Variants in TANC1 observed in about 807,000 individuals in gnomAD.
The protein encoded by TANC1 is tetratricopeptide repeat, ankyrin repeat and coiled-coil containing 1.
TANC1 carries 77 observed loss-of-function variants against 149.7 expected under a neutral mutation model. The ratio of observed to expected loss-of-function variants is 0.51; its 90% CI spans 0.43 to 0.62. The LOEUF is 0.62. Among genes scored for constraint, TANC1 ranks in the 20% least tolerant of loss-of-function variants. TANC1 has a pLI of 0.00. For synonymous variants in TANC1, 854 were observed against 925.0 expected (o/e 0.92, Z 1.39); for missense variants, 1,985 against 2,321.8 (o/e 0.85, Z 2.98).
chr2:159,038,787 A>G (rs747764728), intron 2 of TANC1, among the ~76,000 whole-genome samples: 4 of 152,174 alleles, frequency 2.6e-5, no homozygotes, highest in African/African-American at 9.7e-5. Flanking sequence ...ATCGATGTTC[A>G]TCAGGGATAT....
intron 22 of TANC1, among the ~76,000 whole-genome samples, chr2:159,221,849 T>C (rs2059728997): frequency 6.6e-6 from 1 of 152,206 alleles, no homozygotes; most frequent in East Asian, 1.9e-4. Flanking sequence ...AACCGTGAAA[T>C]GTCTTTCAGG....
chr2:159,160,770 G>A (rs573203180), intron 7 of TANC1, among the ~76,000 whole-genome samples: 1 of 152,286 alleles, frequency 6.6e-6, no homozygotes, highest in Admixed American at 6.5e-5. Context: ...CTCTCTCACA[G>A]GAACTTTGTG....
chr2:159,038,254 C>T (rs1266106310), intron 2 of TANC1, among the ~76,000 whole-genome samples: 2 of 152,194 alleles, frequency 1.3e-5, no homozygotes, highest in Non-Finnish European at 2.9e-5. Context: ...AGATTTTGGG[C>T]TGAGACGATG....
At chr2:159,173,772 T>C (rs1042408148) in intron 11 of TANC1, among the ~76,000 whole-genome samples, 1 of 152,130 alleles carries the variant, frequency 6.6e-6, no homozygotes, top group African/African-American at 2.4e-5. Flanking sequence ...CAGGTGAGAG[T>C]TGGAGAGCAG....
rs1471491780 is a variant in TANC1 at position 159,024,197 on chromosome 2, T to C, written c.-16+23008T>C. On this transcript the variant is annotated intron_variant, in intron 2 of 26. Transcript: ENST00000263635. Reference sequence around the variant, plus strand: ...CATGTGCCACAACATGGCATGTGTATGCAATGGCAGTCCCGTAAGATTATA... The same window carrying C: ...CATGTGCCACAACATGGCATGTGTACGCAATGGCAGTCCCGTAAGATTATA... Among the ~76,000 whole-genome samples the C allele has an allele frequency of 2.6e-5, 4 of 152,216 alleles. No homozygotes were observed. In the East Asian group the frequency reaches 7.7e-4, roughly 29 times the overall value.
At chr2:159,172,503 A>T (rs570754980) in intron 11 of TANC1, among the ~76,000 whole-genome samples, 1 of 152,360 alleles carries the variant, frequency 6.6e-6, no homozygotes, top group South Asian at 2.1e-4. Context: ...GGATTGAAAG[A>T]GTTCCTCAAG....
At position 159,097,694 on chromosome 2, in the gene TANC1, C is replaced by T. The variant is rs867747509; in HGVS notation, c.119C>T (p.Ser40Phe). ...CTGCACCTTGACCACAGTGCTGACT[C>T]TCCTGTGAGCAGTCTTCCCACAGCA... ...PVLHLDHSADSPVSSLPTAED... is the reference protein window; with the variant it reads ...PVLHLDHSADFPVSSLPTAED... The change falls in exon 4 of 27, where the codon TCT becomes TTT. Residue 40 changes from serine (S) to phenylalanine (F), a missense_variant. By Grantham distance (155) the Ser-to-Phe change is radical. Coordinates refer to ENST00000263635, the MANE Select transcript of TANC1 (RefSeq NM_033394.3). The T allele has an allele frequency of 6.2e-7, 1 of 1,614,206 alleles. No homozygotes were observed. The highest frequency in any genetic ancestry group is 8.5e-7 in the Non-Finnish European group (1 of 1,180,028).
chr2:159,018,173 A>G (rs1436366900), intron 2 of TANC1, among the ~76,000 whole-genome samples: 1 of 152,182 alleles, frequency 6.6e-6, no homozygotes, highest in Admixed American at 6.5e-5. Context: ...TTTTATTATG[A>G]AGGAAGCACA....
chr2:159,172,251 A>C lies in TANC1; in HGVS notation c.1482A>C (p.Ala494=), dbSNP rs1341208390. The C allele has an allele frequency of 1.9e-6, 3 of 1,614,162 alleles. No individual in the cohort carries two copies. The Admixed American group carries it at 5.0e-5, about 27-fold the overall frequency. ...SAENQRPRED[A]VKYLASKVVA... is the part of the protein sequence containing the mutation. ...AAAACCAGAGACCAAGAGAGGATGC[A>C]GTGAAATATCTTGCTTCTAAGGTAA... The change falls in exon 11 of 27, where the codon GCA becomes GCC. Residue 494 remains alanine (A), a synonymous_variant. Coordinates refer to ENST00000263635, the MANE Select transcript of TANC1 (RefSeq NM_033394.3).
chr2:159,074,481 A>G (rs1239978058), intron 3 of TANC1, among the ~76,000 whole-genome samples: 1 of 152,150 alleles, frequency 6.6e-6, no homozygotes, highest in East Asian at 1.9e-4. Context: ...GCCTGGAGGT[A>G]GACTCCAGGT....
At chr2:159,157,007 A>G (rs1215436888) in intron 7 of TANC1, among the ~76,000 whole-genome samples, 1 of 152,208 alleles carries the variant, frequency 6.6e-6, no homozygotes, top group African/African-American at 2.4e-5. Context: ...CTTGCGCAAC[A>G]CAGGTGAGCA....
intron 7 of TANC1, among the ~76,000 whole-genome samples, chr2:159,156,640 C>T (rs138386430): frequency 2.4e-4 from 36 of 152,292 alleles, no homozygotes; most frequent in African/African-American, 8.7e-4. Flanking sequence ...GTGATTGATA[C>T]CTCTGACGGA....
At position 159,065,877 on chromosome 2, in the gene TANC1, CTG is replaced by C. The variant is rs1202831345; in HGVS notation, c.-15-17_-15-16del. On this transcript the variant is annotated splice_polypyrimidine_tract_variant and intron_variant, in intron 2 of 26. Coordinates refer to ENST00000263635, the MANE Select transcript of TANC1 (RefSeq NM_033394.3). ...TTTCAATGTTTAATTCCTCTTCTCT[CTG>C]TTTCTTTTCTCCTTAGAAACAAGTG... 1.9e-6 allele frequency: 3 copies of C among 1,597,758 alleles called. No homozygotes were observed. Among genetic ancestry groups the C allele is most frequent in the Non-Finnish European group, 2.6e-6 (3 of 1,165,330 alleles).
At chr2:159,122,869 C>CA (rs1284024170) in intron 4 of TANC1, among the ~76,000 whole-genome samples, 1 of 151,582 alleles carries the variant, frequency 6.6e-6, no homozygotes, top group East Asian at 1.9e-4. Context: ...TCTTCACCAG[C>CA]AGTTTTTATA....
intron 19 of TANC1, among the ~76,000 whole-genome samples, chr2:159,204,030 G>A (rs1179844156): frequency 6.6e-6 from 1 of 152,224 alleles, no homozygotes; most frequent in East Asian, 1.9e-4. Flanking sequence ...GCCACATGTG[G>A]CTATTGAGTA....
intron 2 of TANC1, among the ~76,000 whole-genome samples, chr2:159,014,075 A>G (rs2038031495): frequency 6.6e-6 from 1 of 152,220 alleles, no homozygotes; most frequent in Non-Finnish European, 1.5e-5. Context: ...CTCTGTATAA[A>G]GAATCTATCT....
chr2:159,031,395 G>A (rs1278838308), intron 2 of TANC1, among the ~76,000 whole-genome samples: 2 of 152,172 alleles, frequency 1.3e-5, no homozygotes, highest in African/African-American at 2.4e-5. Flanking sequence ...GGTTTTTAGT[G>A]TCCTGGTAGG....
At chr2:159,116,956 G>C (rs546958075) in intron 4 of TANC1, among the ~76,000 whole-genome samples, 1 of 152,236 alleles carries the variant, frequency 6.6e-6, no homozygotes, top group African/African-American at 2.4e-5. Context: ...CCAAAGCCTG[G>C]GTCATTTTCA....
At chr2:159,192,552 A>G (rs954037391) in intron 16 of TANC1, among the ~76,000 whole-genome samples, 7 of 152,370 alleles carry the variant, frequency 4.6e-5, no homozygotes, top group African/African-American at 1.7e-4. Flanking sequence ...GTCAATATCA[A>G]CGAGGAACTT....
Sources: allele counts gnomAD v4.1 joint callset (sites outside exome capture counted in the v4.1 genomes callset), GRCh38; gene constraint gnomAD v4.1.1; transcripts MANE v1.5; gene names NCBI Gene and HGNC (gene_info 2026-07-23, HGNC 2026-07-21).